CSTF3: variants seen among roughly 807,000 people sequenced by gnomAD.
CSTF3 encodes CF-1 77 kDa subunit.
Under a neutral mutation model 105.8 loss-of-function variants are expected in CSTF3, and 29 were observed. The ratio of observed to expected loss-of-function variants is 0.27; its 90% confidence interval spans 0.20 to 0.37. CSTF3 has a LOEUF of 0.37. CSTF3 is among the 10% of genes least tolerant of loss of function. The probability of loss-of-function intolerance (pLI) is 1.00; values close to 1 mark genes in which losing one functional copy is unlikely to be tolerated. For missense variants in CSTF3, 357 were observed against 879.3 expected (o/e 0.41, Z 7.51); for synonymous variants, 252 against 281.9 (o/e 0.89, Z 1.06).
At chr11:33,116,040 T>G (rs757667674) in intron 3 of CSTF3, among the ~76,000 whole-genome samples, 1 of 152,190 alleles carries the variant, frequency 6.6e-6, no homozygotes, top group Non-Finnish European at 1.5e-5. Flanking sequence ...CTTAAATATA[T>G]CACAGAACTA....
chr11:33,085,095 T>A lies in CSTF3; in HGVS notation c.2146A>T (p.Ile716Phe). ...CAGAGGCGTTTAAAACCCTACCGAA[T>A]CCGCTTCTGCTGCCGTGCTCTGTAA... ...DIYRARQQKR[I>F]R is the part of the protein sequence containing the mutation. The change falls in exon 21 of 21, where the codon ATT becomes TTT. Residue 716 changes from isoleucine (I) to phenylalanine (F), a missense_variant. By Grantham distance (21) the Ile-to-Phe change is conservative. Coordinates refer to ENST00000323959, the MANE Select transcript of CSTF3 (RefSeq NM_001326.3). 6.2e-7 allele frequency: 1 copy of A among 1,614,126 alleles called. No individual in the cohort carries two copies.
chr11:33,149,203 C>G (rs1010457878), intron 1 of CSTF3, among the ~76,000 whole-genome samples: 1 of 152,172 alleles, frequency 6.6e-6, no homozygotes, highest in Non-Finnish European at 1.5e-5. Flanking sequence ...AAAATGCTAT[C>G]CAGATACCTG....
intron 16 of CSTF3, 44 bp downstream of exon 16, chr11:33,092,227 A>G (rs1279194571): frequency 7.3e-7 from 1 of 1,368,114 alleles, no homozygotes; most frequent in African/African-American, 1.5e-5. Flanking sequence ...CAGGTAAGAA[A>G]GCTGTCTTTA....
At chr11:33,133,959 CTAA>C (rs766015410) in intron 3 of CSTF3, among the ~76,000 whole-genome samples, 10 of 152,138 alleles carry the variant, frequency 6.6e-5, no homozygotes, top group Non-Finnish European at 1.2e-4. Context: ...GATTATTCTA[CTAA>C]TGTTACATTT....
At chr11:33,147,930 C>A (rs988502879) in intron 1 of CSTF3, among the ~76,000 whole-genome samples, 5 of 152,060 alleles carry the variant, frequency 3.3e-5, no homozygotes, top group African/African-American at 1.2e-4. Flanking sequence ...GATTTTTGCC[C>A]TCTGAAAGAG....
intron 3 of CSTF3, among the ~76,000 whole-genome samples, chr11:33,137,008 G>A (rs1410639240): frequency 6.6e-6 from 1 of 151,780 alleles, no homozygotes; most frequent in East Asian, 1.9e-4. Flanking sequence ...ATTTTAGAAT[G>A]TATATGCATT....
At chr11:33,129,394 CTTTT>C (rs967909642) in intron 3 of CSTF3, among the ~76,000 whole-genome samples, 6 of 144,142 alleles carry the variant, frequency 4.2e-5, no homozygotes, top group Non-Finnish European at 7.6e-5. Context: ...GCCCGGCCTA[CTTTT>C]TTTTTTTTTT....
chr11:33,157,038 T>A (rs1849874943), intron 1 of CSTF3, among the ~76,000 whole-genome samples: 3 of 151,708 alleles, frequency 2.0e-5, no homozygotes. Flanking sequence ...AGATCAAAAG[T>A]TGAATCAGGC....
chr11:33,152,238 C>T (rs1055012697), intron 1 of CSTF3, among the ~76,000 whole-genome samples: 4 of 151,922 alleles, frequency 2.6e-5, no homozygotes, highest in African/African-American at 7.3e-5. Flanking sequence ...CCAGCCTGGG[C>T]GACAGAGCGA....
intron 10 of CSTF3, 43 bp downstream of exon 10, chr11:33,102,134 A>G (rs1382936653): frequency 6.3e-7 from 1 of 1,575,354 alleles, no homozygotes. Flanking sequence ...CAAGTGGCCT[A>G]ACATACATGT....
At chr11:33,157,937 C>G (rs1294839570) in intron 1 of CSTF3, among the ~76,000 whole-genome samples, 1 of 152,136 alleles carries the variant, frequency 6.6e-6, no homozygotes, top group South Asian at 2.1e-4. Flanking sequence ...TGGATACTCT[C>G]TTTTCCTCCA....
chr11:33,147,951 G>A (rs932325274), intron 1 of CSTF3, among the ~76,000 whole-genome samples: 2 of 151,606 alleles, frequency 1.3e-5, no homozygotes, highest in South Asian at 4.3e-4. Flanking sequence ...GGAAAGGATT[G>A]TAGACAAGCA....
chr11:33,124,960 T>A (rs1412519440), intron 3 of CSTF3, among the ~76,000 whole-genome samples: 1 of 152,222 alleles, frequency 6.6e-6, no homozygotes, highest in Non-Finnish European at 1.5e-5. Context: ...AAAAAAACTT[T>A]AGTTTTCTAT....
chr11:33,127,533 C>T (rs893917831), intron 3 of CSTF3, among the ~76,000 whole-genome samples: 1 of 152,080 alleles, frequency 6.6e-6, no homozygotes, highest in African/African-American at 2.4e-5. Context: ...CTCATACCAC[C>T]TAGGTAGGCA....
At chr11:33,086,571 G>A (rs7114435) in intron 18 of CSTF3, among the ~76,000 whole-genome samples, 18,863 of 152,010 alleles carry the variant, frequency 0.12, 2,959 homozygotes, top group African/African-American at 0.37. Context: ...CCAAGTAGCT[G>A]GGATTACATG....
intron 3 of CSTF3, among the ~76,000 whole-genome samples, chr11:33,116,093 A>C (rs1007792355): frequency 1.3e-5 from 2 of 152,214 alleles, no homozygotes; most frequent in Non-Finnish European, 2.9e-5. Context: ...TGTGAAGTAT[A>C]GTTTAATTAT....
At chr11:33,085,829 G>C in intron 19 of CSTF3, 56 bp from the exon 20 acceptor site, 1 of 1,584,730 alleles carries the variant, frequency 6.3e-7, no homozygotes, top group Non-Finnish European at 8.7e-7. Context: ...TAAAGTAGTA[G>C]TAACTTTATA....
chr11:33,140,643 C>T (rs1855700837), intron 3 of CSTF3, among the ~76,000 whole-genome samples: 1 of 151,978 alleles, frequency 6.6e-6, no homozygotes, highest in Admixed American at 6.6e-5. Flanking sequence ...TGCTGATGAC[C>T]AAAGCCCTTT....
chr11:33,155,280 C>T (rs144734766), intron 1 of CSTF3, among the ~76,000 whole-genome samples: 2,974 of 151,770 alleles, frequency 0.02, 109 homozygotes, highest in African/African-American at 0.067. Context: ...AGGAGAATAG[C>T]GTGAACCCAG....
Sources: gnomAD v4.1 joint callset for allele counts (sites outside exome capture counted in the v4.1 genomes callset) on GRCh38, gnomAD v4.1.1 for gene constraint, MANE v1.5 for transcripts, NCBI Gene and HGNC (gene_info 2026-07-23, HGNC 2026-07-21) for gene names.